Variants in DDAH1 observed in about 807,000 individuals in gnomAD.
The protein encoded by DDAH1 is N(G),N(G)-dimethylarginine dimethylaminohydrolase 1.
A neutral mutation model predicts 28.8 loss-of-function variants in DDAH1; 19 were observed. That is an observed-to-expected ratio of 0.66 (90% CI 0.46 to 0.97). The LOEUF (loss-of-function observed/expected upper bound fraction) is 0.97. Ranked by LOEUF, DDAH1 falls within the 50% of genes least tolerant of loss-of-function variation. The pLI is 0.00. For missense variants in DDAH1, 326 were observed against 375.9 expected (o/e 0.87, Z 1.10); for synonymous variants, 153 against 154.4 (o/e 0.99, Z 0.07).
At chr1:85,488,001 T>C (rs1397844051) in intron 2 of DDAH1, among the ~76,000 whole-genome samples, 2 of 152,024 alleles carry the variant, frequency 1.3e-5, no homozygotes, top group Non-Finnish European at 2.9e-5. Context: ...CTGACCAACA[T>C]GGTGAAACCC....
At position 85,464,931 on chromosome 1, in the gene DDAH1, C is replaced by A; in HGVS notation, c.115G>T (p.Asp39Tyr). ...ALRSAKGEEVDVARAERQHQL... is the reference protein window; with the variant it reads ...ALRSAKGEEVYVARAERQHQL... ...TGCTGCCGTTCCGCGCGGGCGACGT[C>A]CACCTCCTCGCCCTTGGCGCTTCTC... Residue 39 changes from aspartate to tyrosine, a missense_variant, in exon 1 of 6, where the codon GAC becomes TAC. Physicochemically the swap from Asp to Tyr is radical, Grantham distance 160. Transcript: ENST00000284031. This position sits in a 1 kb window ranked among gnomAD's most constrained non-coding sequence, Gnocchi z 4.4. 1 of 1,545,816 alleles carries A rather than the reference C, an allele frequency of 6.5e-7. No individual in the cohort carries two copies. Among genetic ancestry groups the A allele is most frequent in the Middle Eastern group, 1.9e-4 (1 of 5,172 alleles).
intron 1 of DDAH1, among the ~76,000 whole-genome samples, chr1:85,424,414 T>C (rs967501185): frequency 1.4e-4 from 22 of 152,120 alleles, no homozygotes; most frequent in African/African-American, 5.1e-4. Context: ...ACATACAGAA[T>C]GAATTATGCA....
chr1:85,347,258 G>T (rs553974243), intron 4 of DDAH1, among the ~76,000 whole-genome samples: 1 of 151,630 alleles, frequency 6.6e-6, no homozygotes, highest in Non-Finnish European at 1.5e-5. Flanking sequence ...CAGCCATCCC[G>T]TTACTGAGTA....
chr1:85,355,855 A>G (rs1204691333), intron 2 of DDAH1, among the ~76,000 whole-genome samples: 1 of 152,212 alleles, frequency 6.6e-6, no homozygotes, highest in Non-Finnish European at 1.5e-5. Context: ...ACTTAGATCA[A>G]AAGTAGAAAA....
chr1:85,327,425 A>G (rs921721411), intron 4 of DDAH1, among the ~76,000 whole-genome samples: 15 of 152,290 alleles, frequency 9.8e-5, no homozygotes, highest in African/African-American at 3.1e-4. Flanking sequence ...CATGTAATCT[A>G]GTAGTGTTGC....
At chr1:85,436,152 A>G (rs1381967822) in intron 1 of DDAH1, among the ~76,000 whole-genome samples, 1 of 152,156 alleles carries the variant, frequency 6.6e-6, no homozygotes, top group African/African-American at 2.4e-5. Context: ...CAAGAACAAT[A>G]CTAAAAATAA....
intron 1 of DDAH1, among the ~76,000 whole-genome samples, chr1:85,363,764 A>G (rs914256664): frequency 1.3e-5 from 2 of 152,228 alleles, no homozygotes; most frequent in African/African-American, 4.8e-5. Context: ...TTCTTTGTTA[A>G]TCAGCACATC....
intron 1 of DDAH1, among the ~76,000 whole-genome samples, chr1:85,436,458 T>C (rs1260701823): frequency 6.6e-6 from 1 of 152,192 alleles, no homozygotes; most frequent in Non-Finnish European, 1.5e-5. Context: ...GGAAAGCTGT[T>C]GCATATCATT....
At chr1:85,469,423 C>T (rs1219870792), upstream of DDAH1, among the ~76,000 whole-genome samples, 1 of 152,188 alleles carries the variant, frequency 6.6e-6, no homozygotes, top group Non-Finnish European at 1.5e-5. Flanking sequence ...AAACTCTTTG[C>T]CTCAGTTTCA....
chr1:85,520,488 T>A (rs1657644946), intron 1 of DDAH1, among the ~76,000 whole-genome samples: 1 of 152,228 alleles, frequency 6.6e-6, no homozygotes, highest in Non-Finnish European at 1.5e-5. Context: ...TGATACTGTT[T>A]GAAAATGCCC....
rs1364166118 is a variant in DDAH1, at chr1:85,418,729, C to T, written c.303+46014G>A. Among the ~76,000 whole-genome samples, 3 of 152,318 alleles carry T rather than the reference C, an allele frequency of 2.0e-5. No homozygotes were observed. In the East Asian group the frequency reaches 5.8e-4, roughly 29 times the overall value. On this transcript the variant is annotated intron_variant, in intron 1 of 5. Transcript: ENST00000284031. ...AGTGTTCAGGAATGCTGTCACTTCT[C>T]CTTTTAACACAGTACCCATATCCCT...
At chr1:85,498,431 T>C (rs999729457) in intron 1 of DDAH1, among the ~76,000 whole-genome samples, 6 of 152,186 alleles carry the variant, frequency 3.9e-5, no homozygotes, top group African/African-American at 1.4e-4. Context: ...TATGTAGAAG[T>C]ATGACAATAG....
intron 1 of DDAH1, among the ~76,000 whole-genome samples, chr1:85,410,628 G>A (rs1652610309): frequency 2.0e-5 from 2 of 98,780 alleles, no homozygotes; most frequent in Admixed American, 1.2e-4. Flanking sequence ...TAAGAGCGAA[G>A]CTCTGCCTCA....
chr1:85,484,486 G>A (rs563220721), intron 2 of DDAH1, among the ~76,000 whole-genome samples: 1 of 152,120 alleles, frequency 6.6e-6, no homozygotes, highest in East Asian at 1.9e-4. Context: ...GCTGATGGAA[G>A]GACTAGAACA....
intron 1 of DDAH1, among the ~76,000 whole-genome samples, chr1:85,442,243 T>C (rs575951014): frequency 6.6e-6 from 1 of 152,230 alleles, no homozygotes; most frequent in African/African-American, 2.4e-5. Context: ...GTGTTCTCAC[T>C]GTTCAATTCC....
rs2100900227 is a variant in DDAH1 at position 85,377,297 on chromosome 1, A to C, written c.304-18450T>G. Among the ~76,000 whole-genome samples the C allele has an allele frequency of 1.3e-5, 2 of 152,258 alleles. 1 individual carries two copies. The highest frequency in any genetic ancestry group is 1.3e-4 in the Admixed American group (2 of 15,290). On this transcript the variant is annotated intron_variant, in intron 1 of 5. Transcript: ENST00000284031. ...GAATAGAAAGCTGTTTCTACTTTTAAAGTTTTAGAATCATTAATACATTAT... is the reference window on the plus strand; with the variant it reads ...GAATAGAAAGCTGTTTCTACTTTTACAGTTTTAGAATCATTAATACATTAT...
Position 85,334,919 on chromosome 1 carries a change from C to T in DDAH1, c.598-10036G>A, listed in dbSNP as rs553102286. 3.5e-3 allele frequency among the ~76,000 whole-genome samples: 532 copies of T among 152,154 alleles called. 1 individual carries two copies. Among genetic ancestry groups the T allele is most frequent in the Non-Finnish European group, 6.2e-3 (421 of 67,986 alleles). On this transcript the variant is annotated intron_variant, in intron 4 of 5. Transcript: ENST00000284031. ...AGAAAAAAACTGCCAATTAAGGGTA[C>T]TATATCCATCCAGTAAAATTATCCT...
At chr1:85,499,306 G>A (rs1656711923) in intron 1 of DDAH1, among the ~76,000 whole-genome samples, 1 of 152,074 alleles carries the variant, frequency 6.6e-6, no homozygotes, top group African/African-American at 2.4e-5. Context: ...AAGATCCCTA[G>A]GTAATTCATA....
At chr1:85,416,918 T>A (rs75823729) in intron 1 of DDAH1, among the ~76,000 whole-genome samples, 1 of 152,144 alleles carries the variant, frequency 6.6e-6, no homozygotes, top group African/African-American at 2.4e-5. Flanking sequence ...TCTGTCTGCA[T>A]TGGCCTCCCA....
Sources: gnomAD v4.1 joint callset for allele counts (sites outside exome capture counted in the v4.1 genomes callset) on GRCh38, gnomAD v4.1.1 for gene constraint, Gnocchi (gnomAD v3.1) non-coding constraint, MANE v1.5 for transcripts, NCBI Gene and HGNC (gene_info 2026-07-23, HGNC 2026-07-21) for gene names.